The following COL27A1 variants were observed in gnomAD, a reference collection of about 807,000 sequenced individuals.
COL27A1 encodes the protein collagen alpha-1(XXVII) chain.
COL27A1 carries 106 observed loss-of-function variants against 251.3 expected under a neutral mutation model. The observed-to-expected ratio is 0.42, with a 90% CI of 0.36 to 0.50. The LOEUF (loss-of-function observed/expected upper bound fraction) is 0.50. Ranked by LOEUF, COL27A1 falls within the 20% of genes least tolerant of loss-of-function variation. The pLI is 0.00. For synonymous variants in COL27A1, 1,000 were observed against 986.3 expected, an observed-to-expected ratio of 1.01 and a Z score of -0.26; for missense variants, 2,325 against 2,522.8, an observed-to-expected ratio of 0.92 and a Z score of 1.68.
At chr9:114,230,202 A>T (rs1413966420) in intron 14 of COL27A1, among the ~76,000 whole-genome samples, 3 of 152,084 alleles carry the variant, frequency 2.0e-5, no homozygotes, top group African/African-American at 7.2e-5. Flanking sequence ...GGAATGAAAA[A>T]TCACATTCCT....
chr9:114,288,839 C>A, intron 43 of COL27A1, 75 bp from the exon 44 acceptor site: 1 of 1,605,302 alleles, frequency 6.2e-7, no homozygotes, highest in Non-Finnish European at 8.5e-7. Context: ...AGAACAAGAA[C>A]TTCCCAGGCT....
chr9:114,223,727 G>A (rs947091862), intron 14 of COL27A1, among the ~76,000 whole-genome samples: 6 of 152,126 alleles, frequency 3.9e-5, no homozygotes, highest in African/African-American at 1.4e-4. Context: ...TCACAATCCT[G>A]AGCAAAATTT....
intron 59 of COL27A1, 96 bp from the exon 60 acceptor site, chr9:114,309,164 G>A: frequency 1.0e-6 from 1 of 966,420 alleles, no homozygotes; most frequent in Non-Finnish European, 1.7e-6. Context: ...CCAGGAAGGG[G>A]CCTATCCCTG....
chr9:114,194,877 G>A (rs763935306), intron 6 of COL27A1, among the ~76,000 whole-genome samples: 3 of 152,172 alleles, frequency 2.0e-5, no homozygotes, highest in East Asian at 1.9e-4. Flanking sequence ...TCCAGCAGAC[G>A]GGTCTGTGGA....
chr9:114,284,763 C>A lies in COL27A1; in HGVS notation c.3973C>A (p.Pro1325Thr). The change falls in exon 41 of 61, where the codon CCA becomes ACA. Residue 1325 changes from proline (P) to threonine (T), a missense_variant. Around this residue, in one of 4 missense-constraint regions of COL27A1, gnomAD observed 662 missense variants for 795.3 expected, o/e 0.83. Coordinates refer to ENST00000356083, the MANE Select transcript of COL27A1 (RefSeq NM_032888.4). ...GIVGPLGPPGPKGEKGEQGED... is the reference protein window; with the variant it reads ...GIVGPLGPPGTKGEKGEQGED... Reference sequence around the variant, plus strand: ...TGTGGGACCCCTTGGACCTCCTGGACCAAAAGGCGAAAAGGTGGGTGTTTG... The same window carrying A: ...TGTGGGACCCCTTGGACCTCCTGGAACAAAAGGCGAAAAGGTGGGTGTTTG... 6.2e-7 allele frequency: 1 copy of A among 1,614,194 alleles called. No individual in the cohort carries two copies. The highest frequency in any genetic ancestry group is 8.5e-7 in the Non-Finnish European group (1 of 1,180,032).
At chr9:114,256,263 T>G (rs751993178) in intron 27 of COL27A1, among the ~76,000 whole-genome samples, 3 of 152,118 alleles carry the variant, frequency 2.0e-5, no homozygotes, top group Non-Finnish European at 4.4e-5. Context: ...AGGCCGAGGC[T>G]GGCGGATCAC....
Position 114,168,418 on chromosome 9 carries a change from C to T in COL27A1, c.863C>T (p.Pro288Leu), listed in dbSNP as rs376805833. Residue 288 changes from proline (P) to leucine (L), a missense_variant, in exon 3 of 61, where the codon CCC becomes CTC. Physicochemically the swap from Pro to Leu is moderately conservative, Grantham distance 98. Coordinates refer to ENST00000356083, the MANE Select transcript of COL27A1 (RefSeq NM_032888.4). ...ALGSLPAGRGPRGTVAPATPT... is the reference protein window; with the variant it reads ...ALGSLPAGRGLRGTVAPATPT... ...GGGTCACTGCCAGCAGGCAGGGGAC[C>T]CAGGGGGACTGTGGCACCCGCCACG... 6.2e-7 allele frequency: 1 copy of T among 1,613,270 alleles called. No individual in the cohort carries two copies. Among genetic ancestry groups the T allele is most frequent in the Non-Finnish European group, 8.5e-7 (1 of 1,179,866 alleles).
chr9:114,278,473 G>GTGA (rs1835681343), intron 37 of COL27A1, among the ~76,000 whole-genome samples: 1 of 131,560 alleles, frequency 7.6e-6, no homozygotes, highest in Non-Finnish European at 1.7e-5. Context: ...GGTGGTGATG[G>GTGA]TGGTGGTGAT....
intron 10 of COL27A1, chr9:114,209,377 G>T: frequency 1.5e-6 from 1 of 688,680 alleles, no homozygotes; most frequent in Non-Finnish European, 2.8e-6. Flanking sequence ...GCTTCCTTCT[G>T]CAGGTCCTGG....
chr9:114,163,650 T>G (rs1367112541), intron 2 of COL27A1, among the ~76,000 whole-genome samples: 1 of 152,244 alleles, frequency 6.6e-6, no homozygotes, highest in Non-Finnish European at 1.5e-5. Flanking sequence ...GCCCGTGTGC[T>G]GGGGCAGGCA....
intron 48 of COL27A1, 26 bp from the exon 49 acceptor site, chr9:114,292,077 G>A (rs760259739): frequency 8.5e-5 from 132 of 1,546,150 alleles, no homozygotes; most frequent in Non-Finnish European, 1.1e-4. Context: ...CACTTTGACT[G>A]GTAATTTTTT....
At chr9:114,243,379 G>T in intron 22 of COL27A1, 128 bp from the exon 23 acceptor site, 2 of 747,712 alleles carry the variant, frequency 2.7e-6, no homozygotes, top group Non-Finnish European at 2.3e-6. Flanking sequence ...AGGGTTATAT[G>T]CCCCTGTCCA....
At chr9:114,308,007 T>A (rs936033328) in intron 59 of COL27A1, among the ~76,000 whole-genome samples, 6 of 152,258 alleles carry the variant, frequency 3.9e-5, no homozygotes, top group African/African-American at 1.4e-4. Flanking sequence ...TGATGATTCT[T>A]TCTTCAAATA....
chr9:114,208,210 G>T (rs1830100560), intron 10 of COL27A1, among the ~76,000 whole-genome samples: 1 of 152,104 alleles, frequency 6.6e-6, no homozygotes, highest in Admixed American at 6.5e-5. Context: ...GGCCAAGGCG[G>T]GTGGATCACC....
At chr9:114,209,758 C>T (rs1324780902) in intron 11 of COL27A1, 30 bp downstream of exon 11, 1 of 1,606,774 alleles carries the variant, frequency 6.2e-7, no homozygotes. Context: ...TATTCACCAT[C>T]CACAGCCACC....
intron 36 of COL27A1, chr9:114,271,080 A>G (rs1053504704): frequency 2.2e-5 from 9 of 417,818 alleles, no homozygotes; most frequent in Non-Finnish European, 3.0e-5. Flanking sequence ...CACCGGCACT[A>G]CGCCAGGCCC....
intron 10 of COL27A1, 110 bp downstream of exon 10, chr9:114,206,406 C>A (rs1829970045): frequency 1.8e-6 from 2 of 1,096,198 alleles, no homozygotes; most frequent in Non-Finnish European, 2.8e-6. Flanking sequence ...CAAGGCCCTC[C>A]CACTTGAGTG....
intron 1 of COL27A1, 73 bp downstream of exon 1, chr9:114,156,085 C>G: frequency 1.6e-6 from 2 of 1,290,148 alleles, no homozygotes; most frequent in Non-Finnish European, 2.0e-6. Flanking sequence ...CGGGGTTCCC[C>G]GCCATGCGGT....
At chr9:114,217,678 G>C (rs1449110590) in intron 12 of COL27A1, 1 of 434,694 alleles carries the variant, frequency 2.3e-6, no homozygotes, top group African/African-American at 2.0e-5. Context: ...AGGACTACAA[G>C]TTCTGTCCCT....
Sources: allele counts gnomAD v4.1 joint callset (sites outside exome capture counted in the v4.1 genomes callset), GRCh38; gene constraint gnomAD v4.1.1; regional missense constraint gnomAD v4.1.1; transcripts MANE v1.5; gene names NCBI Gene and HGNC (gene_info 2026-07-23, HGNC 2026-07-21).